COG8: variants seen among roughly 807,000 people sequenced by gnomAD.
The protein encoded by COG8 is component of oligomeric golgi complex 8.
Under a neutral mutation model 46.5 loss-of-function variants are expected in COG8, and 45 were observed. The observed-to-expected ratio is 0.97, with a 90% CI of 0.76 to 1.24. The LOEUF (loss-of-function observed/expected upper bound fraction) is 1.24. Among genes scored for constraint, COG8 ranks in the 50% most tolerant of loss-of-function variants. COG8 has a pLI of 0.00. For synonymous variants in COG8, 407 were observed against 347.8 expected, an observed-to-expected ratio of 1.17 and a Z score of -1.90; for missense variants, 793 against 820.8, an observed-to-expected ratio of 0.97 and a Z score of 0.41.
intron 5 of COG8, chr16:69,330,545 C>G: frequency 2.0e-6 from 3 of 1,476,112 alleles, no homozygotes; most frequent in Non-Finnish European, 2.7e-6. Context: ...TGGCCAAAGA[C>G]TCAGCGCGCC....
chr16:69,330,619 G>A (rs577130537), intron 5 of COG8, 194 bp downstream of exon 5: 1 of 1,406,216 alleles, frequency 7.1e-7, no homozygotes, highest in Admixed American at 3.4e-5. Context: ...GCCGCAGCGC[G>A]GGGCACGCCG....
chr16:69,328,855 G>A lies in COG8; in HGVS notation c.*351C>T, dbSNP rs945847819. The A allele has an allele frequency of 1.1e-6, 1 of 906,138 alleles. No individual in the cohort carries two copies. The highest frequency in any genetic ancestry group is 1.6e-6 in the Non-Finnish European group (1 of 613,896). The allele number at this position is 906,138 out of a possible 1,614,324, so 56.1% of individuals were successfully genotyped here. A position where few individuals can be genotyped will look rare whatever the true frequency, so the allele number is the denominator to read the frequency against. ...ACATTTTGTCCGTAACTGATTTCAG[G>A]GCAAACATTTCTGACATCTTCCTCC... On this transcript the variant is annotated 3_prime_UTR_variant, in exon 6 of 6. Transcript: ENST00000306875.
intron 5 of COG8, chr16:69,329,986 G>A: frequency 2.6e-6 from 4 of 1,519,750 alleles, no homozygotes; most frequent in Non-Finnish European, 3.5e-6. Flanking sequence ...CCCGGTCCCC[G>A]CCGCCCGCAC....
intron 1 of COG8, chr16:69,338,966 C>T: frequency 1.4e-6 from 1 of 690,492 alleles, no homozygotes; most frequent in Non-Finnish European, 2.4e-6. Flanking sequence ...TGCACTCCAG[C>T]CTGGCGACAG....
chr16:69,333,596 G>C (rs1261986209), intron 3 of COG8, among the ~76,000 whole-genome samples: 1 of 152,226 alleles, frequency 6.6e-6, no homozygotes, highest in Non-Finnish European at 1.5e-5. Context: ...CTGGAAAACT[G>C]TAAGAAAACA....
chr16:69,329,728 T>C (rs147046890), intron 5 of COG8, among the ~76,000 whole-genome samples: 183 of 152,302 alleles, frequency 1.2e-3, no homozygotes, highest in African/African-American at 3.8e-3. Flanking sequence ...AAGAGCGTGT[T>C]TGCCTCAGAG....
At position 69,329,197 on chromosome 16, in the gene COG8, GC is replaced by G. The variant is rs1965700173; in HGVS notation, c.*27-19del. On this transcript the variant is annotated intron_variant, in intron 5 of 5. Coordinates refer to ENST00000306875, the MANE Select transcript of COG8 (RefSeq NM_032382.5). ...GTCCAGCCCTGCAAAGGAAGTTACAGCCCTGGTGAGTGGGAACAGCTGAACT... is the reference window on the plus strand; with the variant it reads ...GTCCAGCCCTGCAAAGGAAGTTACAGCCTGGTGAGTGGGAACAGCTGAACT... The G allele has an allele frequency of 6.4e-7, 1 of 1,570,976 alleles. No homozygotes were observed. The highest frequency in any genetic ancestry group is 1.4e-5 in the African/African-American group (1 of 73,298).
chr16:69,329,356 C>T (rs868660187), intron 5 of COG8, among the ~76,000 whole-genome samples, 177 bp from the exon 6 acceptor site: 2 of 152,188 alleles, frequency 1.3e-5, no homozygotes, highest in South Asian at 4.1e-4. Context: ...GGTCCATTAC[C>T]AAGCGTTCAA....
In COG8 at chr16:69,332,921, A is replaced by T. The variant is rs1462395739; in HGVS notation, c.1414-39T>A. The T allele has an allele frequency of 1.9e-6, 3 of 1,609,220 alleles. No homozygotes were observed. In the East Asian group the frequency reaches 6.7e-5, roughly 36 times the overall value. On this transcript the variant is annotated intron_variant, in intron 3 of 5. Coordinates refer to ENST00000306875, the MANE Select transcript of COG8 (RefSeq NM_032382.5). ...GCACCGTCAATTACTGGGACAGCCT[A>T]TCACCACTGGGACAGCAGTGCATGA...
rs1965604802 is a variant in COG8 at position 69,326,794 on chromosome 16, T to C, written c.*2412A>G. On this transcript the variant is annotated 3_prime_UTR_variant, in exon 6 of 6. Transcript: ENST00000306875. ...GGGATTCTGTTATAAACCTTCTGCCTACATTGGCTTTCACTGTGGAAGTTG... is the reference window on the plus strand; with the variant it reads ...GGGATTCTGTTATAAACCTTCTGCCCACATTGGCTTTCACTGTGGAAGTTG... 6.6e-6 allele frequency: 1 copy of C among 152,270 alleles called. No individual in the cohort carries two copies. The highest frequency in any genetic ancestry group is 6.5e-5 in the Admixed American group (1 of 15,286). 9.4% of individuals were successfully genotyped at this position (152,270 alleles called of 1,614,324 possible).
intron 2 of COG8, among the ~76,000 whole-genome samples, 191 bp downstream of exon 2, chr16:69,336,314 G>C (rs1425001354): frequency 6.6e-6 from 1 of 152,156 alleles, no homozygotes; most frequent in Non-Finnish European, 1.5e-5. Context: ...TGTATCCCCA[G>C]CATATAGAGC....
chr16:69,334,436 C>G (rs2012067473), intron 3 of COG8, 85 bp downstream of exon 3: 1 of 1,199,020 alleles, frequency 8.3e-7, no homozygotes, highest in African/African-American at 1.5e-5. Context: ...CAGACACCGT[C>G]AAATAGACGG....
In COG8 at chr16:69,330,891, G is replaced by T; in HGVS notation, c.1787C>A (p.Pro596Gln). The change falls in exon 5 of 6, where the codon CCG (proline) becomes CAG (glutamine). Residue 596 changes from proline (P) to glutamine (Q), a missense_variant. Physicochemically the swap from Pro to Gln is moderately conservative, Grantham distance 76. Transcript: ENST00000306875. ...PRLEPAGPAC[P>Q]EGGRAETQAE... ...CTGCGTCTCCGCTCGCCCTCCCTCC[G>T]GGCAGGCTGGGCCCGCGGGCTCCAG... is the stretch of plus-strand genomic sequence containing the variant. The T allele has an allele frequency of 6.5e-7, 1 of 1,549,540 alleles. No individual in the cohort carries two copies. Among genetic ancestry groups the T allele is most frequent in the East Asian group, 2.4e-5 (1 of 41,010 alleles).
intron 1 of COG8, 135 bp downstream of exon 1, chr16:69,339,041 A>AGGTTTAAAT: frequency 1.6e-6 from 2 of 1,212,646 alleles, no homozygotes; most frequent in Non-Finnish European, 2.4e-6. Context: ...GGCTGTTGTG[A>AGGTTTAAAT]GGTTTAAATG....
chr16:69,335,009 C>A lies in COG8; in HGVS notation c.925G>T (p.Val309Leu), dbSNP rs775953135. Residue 309 changes from valine (V) to leucine (L), a missense_variant, in exon 3 of 6, where the codon GTG (valine) becomes TTG (leucine). Transcript: ENST00000306875. ...LLPPAMGEHTVNESAIFHGWV... is the reference protein window; with the variant it reads ...LLPPAMGEHTLNESAIFHGWV... ...CCATGGAAGATGGCACTCTCATTCA[C>A]AGTGTGCTCACCCATGGCAGGGGGC... 1.9e-6 allele frequency: 3 copies of A among 1,614,140 alleles called. No homozygotes were observed. The South Asian group carries it at 3.3e-5, about 18-fold the overall frequency.
At chr16:69,335,445 C>T in intron 2 of COG8, 97 bp from the exon 3 acceptor site, 2 of 1,020,318 alleles carry the variant, frequency 2.0e-6, no homozygotes, top group Non-Finnish European at 3.0e-6. Flanking sequence ...ATTCCCATGG[C>T]TTTCCTGAAA....
chr16:69,330,558 A>C (rs1159435954), intron 5 of COG8: 1 of 1,466,942 alleles, frequency 6.8e-7, no homozygotes, highest in Non-Finnish European at 8.9e-7. Context: ...AGCGCGCCCC[A>C]CAGCCGGGCC....
Position 69,334,729 on chromosome 16 carries a change from G to A in COG8, c.1205C>T (p.Ala402Val). 6.2e-7 allele frequency: 1 copy of A among 1,614,182 alleles called. No individual in the cohort carries two copies. Residue 402 changes from alanine to valine, a missense_variant, in exon 3 of 6, where the codon GCT becomes GTT. Physicochemically the swap from Ala to Val is moderately conservative, Grantham distance 64. Coordinates refer to ENST00000306875, the MANE Select transcript of COG8 (RefSeq NM_032382.5). The part of the protein sequence containing the change: ...EEMNSYMLIS[A>V]PAILGTSNMP... ...GTTACTGGTGCCCAGGATGGCTGGA[G>A]CCGAGATGAGCATGTAGGAGTTCAT...
In COG8 at chr16:69,339,165, G is replaced by A; in HGVS notation, c.377+11C>T. ...AGTTATAAAACCCCTTTAGCGCCAG[G>A]CGCGTCGCACCTGCAGCTCTGCTGG... On this transcript the variant is annotated intron_variant, in intron 1 of 5. Coordinates refer to ENST00000306875, the MANE Select transcript of COG8 (RefSeq NM_032382.5). 1 of 1,612,914 alleles carries A rather than the reference G, an allele frequency of 6.2e-7. No individual in the cohort carries two copies. Among genetic ancestry groups the A allele is most frequent in the Non-Finnish European group, 8.5e-7 (1 of 1,179,882 alleles).
Sources: gnomAD v4.1 joint callset for allele counts (sites outside exome capture counted in the v4.1 genomes callset) on GRCh38, gnomAD v4.1.1 for gene constraint, MANE v1.5 for transcripts, NCBI Gene and HGNC (gene_info 2026-07-23, HGNC 2026-07-21) for gene names.